UTP25: variants seen among roughly 807,000 people sequenced by gnomAD.
The protein encoded by UTP25 is UTP25 small subunit processome component, also known as U3 small nucleolar RNA-associated protein 25 homolog.
A neutral mutation model predicts 78.9 loss-of-function variants in UTP25; 50 were observed. The ratio of observed to expected loss-of-function variants is 0.63; its 90% CI spans 0.50 to 0.80. The LOEUF is 0.80. UTP25 is among the 30% of genes least tolerant of loss of function. The pLI, the probability that UTP25 is intolerant of heterozygous loss-of-function variation, is 0.00. For missense variants in UTP25, 846 were observed against 911.3 expected (o/e 0.93, Z 0.92); for synonymous variants, 329 against 336.5 (o/e 0.98, Z 0.24).
chr1:209,830,011 TG>T (rs752678983), intron 1 of UTP25, 96 bp from the exon 2 acceptor site: 193 of 1,041,948 alleles, frequency 1.9e-4, no homozygotes, highest in Non-Finnish European at 2.7e-4. Context: ...GTATTTATAA[TG>T]TTATATTCTG....
chr1:209,834,145 A>G (rs1401092006), intron 4 of UTP25, among the ~76,000 whole-genome samples: 2 of 152,238 alleles, frequency 1.3e-5, no homozygotes, highest in African/African-American at 4.8e-5. Flanking sequence ...ATTAAAACTT[A>G]GAAACTTTGG....
rs1181296621 is a variant in UTP25, at chr1:209,838,912, C to A, written c.1066C>A (p.Leu356Met). 6.2e-7 allele frequency: 1 copy of A among 1,614,090 alleles called. No individual in the cohort carries two copies. Among genetic ancestry groups the A allele is most frequent in the Non-Finnish European group, 8.5e-7 (1 of 1,179,958 alleles). ...GCTGCTGTTGCTGTCTGCACAGGTA[C>A]TGATAGTGGTGCCATTCCGGGAAGC... ...RDQGLTRPKV[L>M]IVVPFREAAL... is the part of the protein sequence containing the mutation. Residue 356 changes from leucine (L) to methionine (M), a missense_variant, in exon 7 of 12, where the codon CTG becomes ATG. Coordinates refer to ENST00000491415, the MANE Select transcript of UTP25 (RefSeq NM_014388.7).
chr1:209,855,060 TG>T lies in UTP25; in HGVS notation c.*3617del, dbSNP rs2078265585. 6.6e-6 allele frequency: 1 copy of T among 152,174 alleles called. No individual in the cohort carries two copies. Among genetic ancestry groups the T allele is most frequent in the African/African-American group, 2.4e-5 (1 of 41,436 alleles). The allele number at this position is 152,174 out of a possible 1,614,324, so 9.4% of individuals were successfully genotyped here. On this transcript the variant is annotated 3_prime_UTR_variant, in exon 12 of 12. Transcript: ENST00000491415. ...TCAACTTTTAATTAGAGTCAATGAATGGGGAGTAAATACACAGATAATCCAA... is the reference window on the plus strand; with the variant it reads ...TCAACTTTTAATTAGAGTCAATGAATGGGAGTAAATACACAGATAATCCAA...
chr1:209,840,835 C>T lies in UTP25; in HGVS notation c.1283-18C>T. ...GTAGTGACTAATGAATTGGTGTGTA[C>T]TTGGCTGTTTTGTGTAGGAGTGGCA... On this transcript the variant is annotated intron_variant, in intron 7 of 11. Coordinates refer to ENST00000491415, the MANE Select transcript of UTP25 (RefSeq NM_014388.7). 1.2e-6 allele frequency: 2 copies of T among 1,611,612 alleles called. No individual in the cohort carries two copies. The highest frequency in any genetic ancestry group is 1.7e-6 in the Non-Finnish European group (2 of 1,179,524).
chr1:209,829,616 C>T (rs2078091784), intron 1 of UTP25, among the ~76,000 whole-genome samples: 2 of 151,422 alleles, frequency 1.3e-5, no homozygotes, highest in Non-Finnish European at 2.9e-5. Context: ...TCCCAGTAGC[C>T]GAGACTACAG....
Position 209,856,407 on chromosome 1 carries a change from G to C in UTP25, c.*4960G>C, listed in dbSNP as rs767350712. 1.3e-5 allele frequency: 2 copies of C among 152,228 alleles called. No individual in the cohort carries two copies. Among genetic ancestry groups the C allele is most frequent in the African/African-American group, 2.4e-5 (1 of 41,436 alleles). The allele number at this position is 152,228 out of a possible 1,614,324, so 9.4% of individuals were successfully genotyped here. A position where few individuals can be genotyped will look rare whatever the true frequency, so the allele number is the denominator to read the frequency against. On this transcript the variant is annotated 3_prime_UTR_variant, in exon 12 of 12. Coordinates refer to ENST00000491415, the MANE Select transcript of UTP25 (RefSeq NM_014388.7). ...TAGGGGAGTTCTTTAAAACTCAGAG[G>C]AGCACCACTTTTACCTTCTGCTCTT...
chr1:209,830,040 C>T, intron 1 of UTP25, 68 bp from the exon 2 acceptor site: 1 of 1,359,726 alleles, frequency 7.4e-7, no homozygotes. Flanking sequence ...CATTTAACAT[C>T]TCATTTGACC....
intron 1 of UTP25, among the ~76,000 whole-genome samples, chr1:209,829,007 C>A (rs1376717485): frequency 6.6e-6 from 1 of 151,902 alleles, no homozygotes; most frequent in Non-Finnish European, 1.5e-5. Context: ...CTACTGACCT[C>A]GGGTGATCTG....
chr1:209,845,931 G>A (rs1050060928), intron 11 of UTP25, among the ~76,000 whole-genome samples: 92 of 148,576 alleles, frequency 6.2e-4, no homozygotes, highest in African/African-American at 2.2e-3. Flanking sequence ...ATCTCGGCCC[G>A]CTGCAGCGTC....
chr1:209,831,823 C>T (rs11810091), intron 3 of UTP25, among the ~76,000 whole-genome samples: 24,118 of 152,098 alleles, frequency 0.16, 2,282 homozygotes, highest in Non-Finnish European at 0.2. Flanking sequence ...TACAGTATGA[C>T]TCCTTTTGTG....
chr1:209,842,557 C>T (rs372209596), intron 9 of UTP25, 26 bp from the exon 10 acceptor site: 1 of 1,612,444 alleles, frequency 6.2e-7, no homozygotes, highest in Non-Finnish European at 8.5e-7. Flanking sequence ...GGCTGTCCAC[C>T]TAACGCTCTT....
intron 6 of UTP25, 98 bp from the exon 7 acceptor site, chr1:209,838,811 C>T: frequency 7.4e-7 from 1 of 1,349,918 alleles, no homozygotes; most frequent in Non-Finnish European, 1.1e-6. Context: ...GGCCACTGCT[C>T]TACATGGAGC....
rs767506964 is a variant in UTP25 at position 209,830,944 on chromosome 1, G to A, written c.289G>A (p.Asp97Asn). The A allele has an allele frequency of 1.2e-6, 2 of 1,613,928 alleles. No individual in the cohort carries two copies. Among genetic ancestry groups the A allele is most frequent in the Non-Finnish European group, 1.7e-6 (2 of 1,179,790 alleles). The change falls in exon 3 of 12, where the codon GAC (aspartate) becomes AAC (asparagine). Residue 97 changes from aspartate (D) to asparagine (N), a missense_variant. By Grantham distance (23) the Asp-to-Asn change is conservative. Coordinates refer to ENST00000491415, the MANE Select transcript of UTP25 (RefSeq NM_014388.7). ...EEDEEEEEEE[D>N]SIVDDAEMND... The stretch of plus-strand genomic sequence containing the variant: ...AGATGAGGAGGAGGAAGAGGAAGAA[G>A]ACAGTATTGTAGATGATGCAGAAAT...
chr1:209,843,036 C>A, intron 10 of UTP25: 1 of 328,140 alleles, frequency 3.0e-6, no homozygotes, highest in Non-Finnish European at 5.6e-6. Context: ...AACTATTTTT[C>A]TAATTGTATA....
intron 11 of UTP25, among the ~76,000 whole-genome samples, chr1:209,850,139 AT>A (rs1326176002): frequency 2.0e-5 from 3 of 152,212 alleles, no homozygotes; most frequent in Non-Finnish European, 2.9e-5. Flanking sequence ...TGTATAATAG[AT>A]TATCTGACTT....
chr1:209,837,687 C>T (rs917927130), intron 6 of UTP25, among the ~76,000 whole-genome samples: 3 of 152,158 alleles, frequency 2.0e-5, no homozygotes, highest in African/African-American at 7.2e-5. Flanking sequence ...CACATACATA[C>T]GTCAGCCTTT....
In UTP25 at chr1:209,833,291, G is replaced by A; in HGVS notation, c.495G>A (p.Leu165=). ...TCACAGATGCAAAACACGAGTCACT[G>A]TTCAGCCTGGAAACCAATTTTCTGG... is the stretch of plus-strand genomic sequence containing the variant. ...EEFTDAKHES[L]FSLETNFLEE... The change falls in exon 4 of 12, where the codon CTG becomes CTA. Residue 165 remains leucine, a synonymous_variant. Transcript: ENST00000491415. 1 of 1,596,614 alleles carries A rather than the reference G, an allele frequency of 6.3e-7. No individual in the cohort carries two copies. The highest frequency in any genetic ancestry group is 8.5e-7 in the Non-Finnish European group (1 of 1,175,098).
rs755377240 is a variant in UTP25 at position 209,839,104 on chromosome 1, A to G, written c.1258A>G (p.Asn420Asp). 8.7e-6 allele frequency: 14 copies of G among 1,612,590 alleles called. No homozygotes were observed. The highest frequency in any genetic ancestry group is 8.5e-7 in the Non-Finnish European group (1 of 1,178,932). ...PEDYEAVFVG[N>D]IDDHFRIGVA... Reference sequence around the variant, plus strand: ...GGATTATGAAGCCGTATTTGTGGGCAATATTGATGACCACTTCAGGATTGG... The same window carrying G: ...GGATTATGAAGCCGTATTTGTGGGCGATATTGATGACCACTTCAGGATTGG... The change falls in exon 7 of 12, where the codon AAT (asparagine) becomes GAT (aspartate). Residue 420 changes from asparagine (N) to aspartate (D), a missense_variant. Coordinates refer to ENST00000491415, the MANE Select transcript of UTP25 (RefSeq NM_014388.7).
Position 209,836,979 on chromosome 1 carries a change from C to G in UTP25, c.830C>G (p.Pro277Arg), listed in dbSNP as rs61745236. ...CAAAAATCAAGCAGCCCATTCACCC[C>G]CCTCCAGAAAGAACTCTTCTTAATT... ...GPQKSSSPFT[P>R]LQKELFLIMN... The change falls in exon 6 of 12, where the codon CCC (proline) becomes CGC (arginine). Residue 277 changes from proline to arginine, a missense_variant. Physicochemically the swap from Pro to Arg is moderately radical, Grantham distance 103 (BLOSUM62 -2). Coordinates refer to ENST00000491415, the MANE Select transcript of UTP25 (RefSeq NM_014388.7). 2,755 of 1,614,116 alleles carry G rather than the reference C, an allele frequency of 1.7e-3. 40 individuals are homozygous for G. In the African/African-American group the frequency reaches 0.032, roughly 18 times the overall value.
Sources: gnomAD v4.1 joint callset for allele counts (sites outside exome capture counted in the v4.1 genomes callset) on GRCh38, gnomAD v4.1.1 for gene constraint, MANE v1.5 for transcripts, NCBI Gene and HGNC (gene_info 2026-07-23, HGNC 2026-07-21) for gene names.